PPARGC1A: variants seen among roughly 807,000 people sequenced by gnomAD.
The protein encoded by PPARGC1A is peroxisome proliferator-activated receptor gamma coactivator 1-alpha.
A neutral mutation model predicts 88.7 loss-of-function variants in PPARGC1A; 25 were observed. The ratio of observed to expected loss-of-function variants is 0.28; its 90% CI spans 0.21 to 0.39. PPARGC1A has a LOEUF of 0.39. Ranked by LOEUF, PPARGC1A falls within the 10% of genes least tolerant of loss-of-function variation. The pLI is 1.00. For missense variants in PPARGC1A, 880 were observed against 968.7 expected (o/e 0.91, Z 1.22); for synonymous variants, 363 against 355.6 (o/e 1.02, Z -0.24).
At chr4:23,823,809 G>C (rs886529650) in intron 7 of PPARGC1A, among the ~76,000 whole-genome samples, 1 of 152,028 alleles carries the variant, frequency 6.6e-6, no homozygotes, top group African/African-American at 2.4e-5. Context: ...TTCATAAGAA[G>C]GTAATTTAGC....
At chr4:24,469,921 C>T in the PPARGC1A span, among the ~76,000 whole-genome samples, 1 of 152,116 alleles carries the variant, frequency 6.6e-6, no homozygotes, top group Non-Finnish European at 1.5e-5. Flanking sequence ...GAAATCCAGC[C>T]GCAGCCCTTC....
the PPARGC1A span, among the ~76,000 whole-genome samples, chr4:24,377,110 C>G: frequency 6.6e-6 from 1 of 151,144 alleles, no homozygotes; most frequent in African/African-American, 2.4e-5. Context: ...AAAAAAAAAT[C>G]TAGGAAATTA....
At chr4:24,031,784 G>C in the PPARGC1A span, among the ~76,000 whole-genome samples, 1 of 152,182 alleles carries the variant, frequency 6.6e-6, no homozygotes, top group Non-Finnish European at 1.5e-5. Context: ...GTAGATGATA[G>C]TTCCCCTGGT....
chr4:24,045,618 TCTC>T, the PPARGC1A span, among the ~76,000 whole-genome samples: 5 of 152,158 alleles, frequency 3.3e-5, no homozygotes, highest in South Asian at 2.1e-4. Flanking sequence ...CACATGGACT[TCTC>T]CTCCGTGTGT....
chr4:24,213,387 C>T, the PPARGC1A span, among the ~76,000 whole-genome samples: 7 of 152,166 alleles, frequency 4.6e-5, no homozygotes, highest in African/African-American at 7.2e-5. Context: ...AGAATAGTCT[C>T]GATCTCCTGA....
At chr4:24,036,783 A>T in the PPARGC1A span, among the ~76,000 whole-genome samples, 1 of 152,168 alleles carries the variant, frequency 6.6e-6, no homozygotes, top group Non-Finnish European at 1.5e-5. Flanking sequence ...CATGTTGGAG[A>T]TATTATGTAC....
chr4:24,169,142 C>T, the PPARGC1A span, among the ~76,000 whole-genome samples: 1 of 152,046 alleles, frequency 6.6e-6, no homozygotes, highest in African/African-American at 2.4e-5. Flanking sequence ...GGGCTTCCTC[C>T]TAAACACCCA....
chr4:23,840,982 G>T lies in PPARGC1A; in HGVS notation c.235-9231C>A, dbSNP rs148643956. 2.6e-5 allele frequency among the ~76,000 whole-genome samples: 4 copies of T among 152,226 alleles called. No individual in the cohort carries two copies. The East Asian group carries it at 7.7e-4, about 29-fold the overall frequency. ...GGAAGAAAGAATATGAACAGCTACAGCTATAGAGGGCCTAATTCTGAAATG... is the reference window on the plus strand; with the variant it reads ...GGAAGAAAGAATATGAACAGCTACATCTATAGAGGGCCTAATTCTGAAATG... On this transcript the variant is annotated intron_variant, in intron 2 of 12. Transcript: ENST00000264867.
chr4:23,846,219 C>T (rs568258762), intron 2 of PPARGC1A, among the ~76,000 whole-genome samples: 4 of 152,138 alleles, frequency 2.6e-5, no homozygotes, highest in East Asian at 1.9e-4. Flanking sequence ...GCTCCTATAA[C>T]GATAGGATGT....
At chr4:24,337,819 CA>C in the PPARGC1A span, among the ~76,000 whole-genome samples, 1 of 152,092 alleles carries the variant, frequency 6.6e-6, no homozygotes, top group Non-Finnish European at 1.5e-5. Context: ...AAGGGTCTAC[CA>C]AAAAGGCTCC....
At chr4:24,043,944 G>C in the PPARGC1A span, among the ~76,000 whole-genome samples, 2 of 152,138 alleles carry the variant, frequency 1.3e-5, no homozygotes, top group African/African-American at 4.8e-5. Context: ...GAAACCACCT[G>C]TCCTCAATTC....
At chr4:23,881,586 C>T (rs1715948761) in intron 2 of PPARGC1A, among the ~76,000 whole-genome samples, 1 of 152,188 alleles carries the variant, frequency 6.6e-6, no homozygotes, top group East Asian at 1.9e-4. Flanking sequence ...TATTATATAT[C>T]CCTAAATCCC....
At chr4:24,130,128 C>T in the PPARGC1A span, among the ~76,000 whole-genome samples, 2 of 151,924 alleles carry the variant, frequency 1.3e-5, no homozygotes, top group Non-Finnish European at 2.9e-5. Flanking sequence ...TGCACATGTA[C>T]CCTAAAACTT....
At chr4:24,071,716 C>G in the PPARGC1A span, among the ~76,000 whole-genome samples, 143 of 152,204 alleles carry the variant, frequency 9.4e-4, no homozygotes, top group African/African-American at 3.2e-3. Context: ...TCCTGAGAAG[C>G]AGTACGGTAG....
chr4:24,382,807 C>A, the PPARGC1A span, among the ~76,000 whole-genome samples: 1 of 152,202 alleles, frequency 6.6e-6, no homozygotes, highest in Admixed American at 6.5e-5. Context: ...GTTGTGGACG[C>A]AGCTTCGGCA....
the PPARGC1A span, among the ~76,000 whole-genome samples, chr4:24,196,708 CT>C: frequency 9.2e-5 from 14 of 152,196 alleles, no homozygotes; most frequent in African/African-American, 3.1e-4. Flanking sequence ...TCCTGACAGT[CT>C]TCATTTGATG....
upstream of PPARGC1A, chr4:23,890,247 A>G: frequency 2.3e-6 from 1 of 434,746 alleles, no homozygotes; most frequent in Non-Finnish European, 3.6e-6. Flanking sequence ...GAAAAAGAAA[A>G]GAAAGAAAGA....
chr4:24,190,894 G>A, the PPARGC1A span, among the ~76,000 whole-genome samples: 1 of 152,126 alleles, frequency 6.6e-6, no homozygotes, highest in East Asian at 1.9e-4. Context: ...ACATCAGTTT[G>A]TCCTTCATTG....
At chr4:24,373,207 T>A in the PPARGC1A span, among the ~76,000 whole-genome samples, 2 of 152,124 alleles carry the variant, frequency 1.3e-5, no homozygotes, top group Admixed American at 6.5e-5. Context: ...AGGGACCTAA[T>A]GAGGAAACAG....
Sources: allele counts gnomAD v4.1 joint callset (sites outside exome capture counted in the v4.1 genomes callset), GRCh38; gene constraint gnomAD v4.1.1; transcripts MANE v1.5; gene names NCBI Gene and HGNC (gene_info 2026-07-23, HGNC 2026-07-21).